The following GH1 variants were observed in gnomAD, a reference collection of about 807,000 sequenced individuals.
GH1 encodes somatotropin.
In GH1, 13 loss-of-function variants were observed where a neutral mutation model predicts 24.5. The ratio of observed to expected loss-of-function variants is 0.53; its 90% CI spans 0.35 to 0.85. GH1 has a LOEUF of 0.85. Ranked by LOEUF, GH1 falls within the 40% of genes least tolerant of loss-of-function variation. The probability of loss-of-function intolerance (pLI) is 0.01; values close to 1 mark genes in which losing one functional copy is unlikely to be tolerated. For missense variants in GH1, 294 were observed against 273.2 expected, an observed-to-expected ratio of 1.08 and a Z score of -0.54; for synonymous variants, 126 against 116.3, an observed-to-expected ratio of 1.08 and a Z score of -0.54.
intron 1 of GH1, 61 bp from the exon 2 acceptor site, chr17:63,918,567 G>T: frequency 6.2e-7 from 1 of 1,612,154 alleles, no homozygotes; most frequent in Non-Finnish European, 8.5e-7. Context: ...CACTCTCCCT[G>T]CTCCAGGAGC....
At position 63,918,492 on chromosome 17, in the gene GH1, G is replaced by C; in HGVS notation, c.25C>G (p.Leu9Val). The change falls in exon 2 of 5, where the codon CTG (leucine) becomes GTG (valine). Residue 9 changes from leucine (L) to valine (V), a missense_variant. Coordinates refer to ENST00000323322, the MANE Select transcript of GH1 (RefSeq NM_000515.5). MATGSRTS[L>V]LLAFGLLCLP... ...CAGAGCAGGCCAAAAGCCAGGAGCA[G>C]GGACGTCCGGGAGCCTGGGGAGAAA... The C allele has an allele frequency of 8.7e-6, 14 of 1,614,134 alleles. No homozygotes were observed. The highest frequency in any genetic ancestry group is 1.1e-5 in the Non-Finnish European group (13 of 1,180,010).
rs763893249 is a variant in GH1, at chr17:63,918,180, T to C, written c.172-44A>G. The C allele has an allele frequency of 4.3e-6, 7 of 1,613,888 alleles. No individual in the cohort carries two copies. The Admixed American group carries it at 6.7e-5, about 15-fold the overall frequency. ...ACCAAGGTCTACGCTGGAGACCAGCTCCCATTGTTACTTTTCTGGGAACCT... is the reference window on the plus strand; with the variant it reads ...ACCAAGGTCTACGCTGGAGACCAGCCCCCATTGTTACTTTTCTGGGAACCT... On this transcript the variant is annotated intron_variant, in intron 2 of 4. Transcript: ENST00000323322.
chr17:63,918,093 T>G lies in GH1; in HGVS notation c.215A>C (p.Gln72Pro). The G allele has an allele frequency of 6.2e-7, 1 of 1,614,198 alleles. No individual in the cohort carries two copies. Among genetic ancestry groups the G allele is most frequent in the Non-Finnish European group, 8.5e-7 (1 of 1,180,016 alleles). The change falls in exon 3 of 5, where the codon CAG becomes CCG. Residue 72 changes from glutamine to proline, a missense_variant. By Grantham distance (76) the Gln-to-Pro change is moderately conservative. Coordinates refer to ENST00000323322, the MANE Select transcript of GH1 (RefSeq NM_000515.5). ...GAAACAGAGGGAGGTCTGGGGGTTC[T>G]GCAGGAATGAATACTTCTGTTCCTT... is the stretch of plus-strand genomic sequence containing the variant. ...IPKEQKYSFL[Q>P]NPQTSLCFSE... is the part of the protein sequence containing the mutation.
Position 63,917,214 on chromosome 17 carries a change from A to G in GH1, c.*95T>C. On this transcript the variant is annotated 3_prime_UTR_variant, in exon 5 of 5. Transcript: ENST00000323322. The stretch of plus-strand genomic sequence containing the variant: ...CTAGTCAGACAAAATGATGCAACTT[A>G]ATTTTATTAGGACAAGGCTGGTGGG... 6.3e-7 allele frequency: 1 copy of G among 1,590,702 alleles called. No individual in the cohort carries two copies. Among genetic ancestry groups the G allele is most frequent in the Non-Finnish European group, 8.6e-7 (1 of 1,161,574 alleles).
intron 4 of GH1, 44 bp downstream of exon 4, chr17:63,917,716 G>A (rs1207722036): frequency 1.2e-6 from 2 of 1,614,096 alleles, no homozygotes; most frequent in Non-Finnish European, 1.7e-6. Flanking sequence ...AGCTCTCAAA[G>A]TCAGTGGGGC....
rs200562012 is a variant in GH1, at chr17:63,918,806, T to C, written c.-30A>G. 18 of 1,613,992 alleles carry C rather than the reference T, an allele frequency of 1.1e-5. No individual in the cohort carries two copies. The East Asian group carries it at 4.0e-4, about 36-fold the overall frequency. Reference sequence around the variant, plus strand: ...GCTAGGTGAGCTGTCCACAGGACCCTGAGTGGTTCGGGGAGTTGGGCCTTG... The same window carrying C: ...GCTAGGTGAGCTGTCCACAGGACCCCGAGTGGTTCGGGGAGTTGGGCCTTG... On this transcript the variant is annotated 5_prime_UTR_variant, in exon 1 of 5. Transcript: ENST00000323322.
rs763501141 is a variant in GH1 at position 63,917,820 on chromosome 17, A to T, written c.396T>A (p.Ser132=). ...TTAGGAGGTCATAGACGTTGCTGTC[A>T]GAGGCGCCGTACACCAGGCTGTTGG... ...VFANSLVYGA[S]DSNVYDLLKD... is the part of the protein sequence containing the mutation. The change falls in exon 4 of 5, where the codon TCT becomes TCA. Residue 132 remains serine (S), a synonymous_variant. Coordinates refer to ENST00000323322, the MANE Select transcript of GH1 (RefSeq NM_000515.5). The T allele has an allele frequency of 6.2e-7, 1 of 1,614,194 alleles. No homozygotes were observed. The highest frequency in any genetic ancestry group is 2.2e-5 in the East Asian group (1 of 44,880).
At chr17:63,917,624 C>A in intron 4 of GH1, 118 bp from the exon 5 acceptor site, 3 of 1,613,736 alleles carry the variant, frequency 1.9e-6, no homozygotes, top group Non-Finnish European at 2.5e-6. Flanking sequence ...GGAGGATTCA[C>A]GAGGGGAAAT....
At chr17:63,918,230 G>T in intron 2 of GH1, 94 bp from the exon 3 acceptor site, 1 of 1,611,622 alleles carries the variant, frequency 6.2e-7, no homozygotes, top group Admixed American at 1.7e-5. Flanking sequence ...TCATCTGCCT[G>T]CATTTTCGCT....
intron 4 of GH1, 76 bp downstream of exon 4, chr17:63,917,684 G>C (rs1907422046): frequency 6.2e-7 from 1 of 1,614,108 alleles, no homozygotes; most frequent in East Asian, 2.2e-5. Flanking sequence ...CTAAAAAGAG[G>C]GCAGCAGTGT....
Position 63,917,428 on chromosome 17 carries a change from C to T in GH1, c.535G>A (p.Asp179Asn), listed in dbSNP as rs151243538. The change falls in exon 5 of 5, where the codon GAT (aspartate) becomes AAT (asparagine). Residue 179 changes from aspartate (D) to asparagine (N), a missense_variant. Physicochemically the swap from Asp to Asn is conservative, Grantham distance 23 (BLOSUM62 1). Transcript: ENST00000323322. ...CCGTAGTTCTTGAGTAGTGCGTCAT[C>T]GTTGTGTGAGTTTGTGTCGAACTTG... ...YSKFDTNSHN[D>N]DALLKNYGLL... 1.4e-5 allele frequency: 23 copies of T among 1,613,954 alleles called. No individual in the cohort carries two copies. Among genetic ancestry groups the T allele is most frequent in the East Asian group, 4.5e-5 (2 of 44,878 alleles).
At position 63,918,328 on chromosome 17, in the gene GH1, C is replaced by A. The variant is rs774359820; in HGVS notation, c.171+18G>T. ...CTTCCTGCCACCCCTGATGCGCACC[C>A]ATTCCCCAAGAGCTTACAAACTCCT... is the stretch of plus-strand genomic sequence containing the variant. On this transcript the variant is annotated intron_variant, in intron 2 of 4. Transcript: ENST00000323322. 2.5e-6 allele frequency: 4 copies of A among 1,614,050 alleles called. No individual in the cohort carries two copies. Among genetic ancestry groups the A allele is most frequent in the Admixed American group, 3.3e-5 (2 of 60,018 alleles).
chr17:63,917,360 T>C lies in GH1; in HGVS notation c.603A>G (p.Thr201=). Residue 201 remains threonine (T), a synonymous_variant, in exon 5 of 5, where the codon ACA becomes ACG. Coordinates refer to ENST00000323322, the MANE Select transcript of GH1 (RefSeq NM_000515.5). ...AGCGGCACTGCACGATGCGCAGGAATGTCTCGACCTTGTCCATGTCCTTCC... is the reference window on the plus strand; with the variant it reads ...AGCGGCACTGCACGATGCGCAGGAACGTCTCGACCTTGTCCATGTCCTTCC... ...CFRKDMDKVE[T]FLRIVQCRSV... 1 of 1,613,964 alleles carries C rather than the reference T, an allele frequency of 6.2e-7. No individual in the cohort carries two copies. Among genetic ancestry groups the C allele is most frequent in the Middle Eastern group, 1.7e-4 (1 of 6,056 alleles).
At chr17:63,917,950 T>A in intron 3 of GH1, 26 bp from the exon 4 acceptor site, 1 of 1,614,194 alleles carries the variant, frequency 6.2e-7, no homozygotes, top group Non-Finnish European at 8.5e-7. Flanking sequence ...GGGCATTGGC[T>A]GTGCTGCCCG....
Position 63,917,413 on chromosome 17 carries a change from T to G in GH1, c.550A>C (p.Lys184Gln). 6.2e-7 allele frequency: 1 copy of G among 1,613,950 alleles called. No homozygotes were observed. The highest frequency in any genetic ancestry group is 1.3e-5 in the African/African-American group (1 of 75,032). The change falls in exon 5 of 5, where the codon AAG (lysine) becomes CAG (glutamine). Residue 184 changes from lysine to glutamine, a missense_variant. Coordinates refer to ENST00000323322, the MANE Select transcript of GH1 (RefSeq NM_000515.5). ...TNSHNDDALL[K>Q]NYGLLYCFRK... ...AAGCAGTAGAGCAGCCCGTAGTTCT[T>G]GAGTAGTGCGTCATCGTTGTGTGAG...
In GH1 at chr17:63,918,323, G is replaced by A. The variant is rs770908005; in HGVS notation, c.171+23C>T. 6 of 1,613,538 alleles carry A rather than the reference G, an allele frequency of 3.7e-6. No homozygotes were observed. In the Admixed American group the frequency reaches 5.0e-5, roughly 13 times the overall value. On this transcript the variant is annotated intron_variant, in intron 2 of 4. Transcript: ENST00000323322. Reference sequence around the variant, plus strand: ...CACCCCTTCCTGCCACCCCTGATGCGCACCCATTCCCCAAGAGCTTACAAA... The same window carrying A: ...CACCCCTTCCTGCCACCCCTGATGCACACCCATTCCCCAAGAGCTTACAAA...
rs61735356 is a variant in GH1, at chr17:63,917,608, A to G, written c.457-102T>C. The G allele has an allele frequency of 1.1e-4, 176 of 1,613,816 alleles. 1 individual carries two copies. The highest frequency in any genetic ancestry group is 3.3e-4 in the Admixed American group (20 of 60,002). On this transcript the variant is annotated intron_variant, in intron 4 of 4. Coordinates refer to ENST00000323322, the MANE Select transcript of GH1 (RefSeq NM_000515.5). ...TCCCTCCCCTTCAGGGTGTAGAGAA[A>G]GGCCTGGAGGATTCACGAGGGGAAA...
At position 63,918,005 on chromosome 17, in the gene GH1, G is replaced by A; in HGVS notation, c.291+12C>T. 1.9e-6 allele frequency: 3 copies of A among 1,614,174 alleles called. No individual in the cohort carries two copies. Among genetic ancestry groups the A allele is most frequent in the Non-Finnish European group, 2.5e-6 (3 of 1,180,010 alleles). ...TCCCCCATCCCCGCCTGGGGAGAAG[G>A]CATCCACTCACGGATTTCTGTTGTG... On this transcript the variant is annotated intron_variant, in intron 3 of 4. Transcript: ENST00000323322.
rs1907375053 is a variant in GH1 at position 63,917,301 on chromosome 17, C to T, written c.*8G>A. On this transcript the variant is annotated 3_prime_UTR_variant, in exon 5 of 5. Transcript: ENST00000323322. ...TGGGGAGGGGTCACAGGGATGCCAC[C>T]CGGGCAGCTAGAAGCCACAGCTGCC... The T allele has an allele frequency of 2.5e-6, 4 of 1,613,972 alleles. No individual in the cohort carries two copies. Among genetic ancestry groups the T allele is most frequent in the Non-Finnish European group, 3.4e-6 (4 of 1,179,866 alleles).
Sources: gnomAD v4.1 joint callset for allele counts on GRCh38, gnomAD v4.1.1 for gene constraint, MANE v1.5 for transcripts, NCBI Gene and HGNC (gene_info 2026-07-23, HGNC 2026-07-21) for gene names.